LHFPL3: variants seen among roughly 807,000 people sequenced by gnomAD.
The protein encoded by LHFPL3 is LHFPL tetraspan subfamily member 3 protein.
Under a neutral mutation model 19.3 loss-of-function variants are expected in LHFPL3, and 5 were observed. The ratio of observed to expected loss-of-function variants is 0.26; its 90% confidence interval spans 0.14 to 0.54. The LOEUF is 0.54. Among genes scored for constraint, LHFPL3 ranks in the 20% least tolerant of loss-of-function variants. The pLI is 0.94. For missense variants in LHFPL3, 249 were observed against 307.4 expected (o/e 0.81, Z 1.42); for synonymous variants, 133 against 126.2 (o/e 1.05, Z -0.36).
intron 2 of LHFPL3, among the ~76,000 whole-genome samples, chr7:104,834,782 C>T (rs955217981): frequency 5.3e-5 from 8 of 151,916 alleles, no homozygotes; most frequent in African/African-American, 1.5e-4. Flanking sequence ...ATGATGGTTT[C>T]GGTGGAACAT....
chr7:104,885,429 CAA>C (rs1314411079), intron 2 of LHFPL3, among the ~76,000 whole-genome samples: 5 of 152,056 alleles, frequency 3.3e-5, no homozygotes, highest in African/African-American at 9.7e-5. Flanking sequence ...GATTTTCTCC[CAA>C]AAAAAGTTTC....
intron 2 of LHFPL3, among the ~76,000 whole-genome samples, chr7:104,748,913 G>T (rs553912941): frequency 6.6e-6 from 1 of 152,146 alleles, no homozygotes; most frequent in Admixed American, 6.5e-5. Context: ...TGGGGCTAAG[G>T]GATCTATTCT....
Position 104,829,354 on chromosome 7 carries a change from A to C in LHFPL3, c.683-76833A>C, listed in dbSNP as rs1477069119. 4.6e-5 allele frequency among the ~76,000 whole-genome samples: 7 copies of C among 151,732 alleles called. 1 individual carries two copies. Among genetic ancestry groups the C allele is most frequent in the African/African-American group, 1.7e-4 (7 of 41,100 alleles). On this transcript the variant is annotated intron_variant, in intron 2 of 2. Coordinates refer to ENST00000424859, the MANE Select transcript of LHFPL3 (RefSeq NM_199000.3). ...TTTTTTTAATTATTATTATACTTTA[A>C]GTTTTAGGGTACATGTGCACAATGT...
At chr7:104,766,659 T>C (rs759361118) in intron 2 of LHFPL3, among the ~76,000 whole-genome samples, 1 of 152,170 alleles carries the variant, frequency 6.6e-6, no homozygotes, top group Non-Finnish European at 1.5e-5. Flanking sequence ...TTGAAAACCA[T>C]ACTTCTAATC....
At chr7:104,680,786 G>A (rs1426336319) in intron 1 of LHFPL3, among the ~76,000 whole-genome samples, 3 of 152,140 alleles carry the variant, frequency 2.0e-5, no homozygotes, top group African/African-American at 7.2e-5. Flanking sequence ...AAACAAACAT[G>A]ATGGGGGTAA....
intron 2 of LHFPL3, among the ~76,000 whole-genome samples, chr7:104,852,772 A>G (rs558060161): frequency 6.6e-6 from 1 of 152,324 alleles, no homozygotes; most frequent in East Asian, 1.9e-4. Context: ...CTCTGATGGG[A>G]CAGTGAGCTA....
intron 1 of LHFPL3, among the ~76,000 whole-genome samples, chr7:104,544,918 A>C (rs538732798): frequency 6.6e-6 from 1 of 152,312 alleles, no homozygotes; most frequent in African/African-American, 2.4e-5. Context: ...AATTAAGAAC[A>C]ATGTCATTTG....
At chr7:104,684,219 T>C (rs1187554189) in intron 1 of LHFPL3, among the ~76,000 whole-genome samples, 2 of 152,202 alleles carry the variant, frequency 1.3e-5, no homozygotes, top group Non-Finnish European at 2.9e-5. Flanking sequence ...GGAGGGAGGA[T>C]TATGGGTGCC....
At position 104,461,195 on chromosome 7, in the gene LHFPL3, C is replaced by T. The variant is rs568237330; in HGVS notation, c.445+131971C>T. Among the ~76,000 whole-genome samples the T allele has an allele frequency of 2.6e-5, 4 of 152,236 alleles. No homozygotes were observed. The East Asian group carries it at 7.7e-4, about 29-fold the overall frequency. On this transcript the variant is annotated intron_variant, in intron 1 of 2. Transcript: ENST00000424859. ...TGAGAGTGGAGTCAAGGGGAAGCCCCGTATAAAACCATCAGATCTCCTGAG... is the reference window on the plus strand; with the variant it reads ...TGAGAGTGGAGTCAAGGGGAAGCCCTGTATAAAACCATCAGATCTCCTGAG...
chr7:104,748,354 G>A (rs13311243), intron 2 of LHFPL3, among the ~76,000 whole-genome samples: 1 of 144,326 alleles, frequency 6.9e-6, no homozygotes, highest in Non-Finnish European at 1.5e-5. Flanking sequence ...GGTCTGTGCT[G>A]AGGAGGATTA....
intron 1 of LHFPL3, among the ~76,000 whole-genome samples, chr7:104,452,217 A>T (rs987724012): frequency 2.0e-5 from 3 of 152,170 alleles, no homozygotes; most frequent in African/African-American, 7.2e-5. Context: ...GAATGGGATC[A>T]GCTTATTTAC....
intron 2 of LHFPL3, among the ~76,000 whole-genome samples, chr7:104,797,969 C>T (rs1033317005): frequency 4.0e-5 from 6 of 151,834 alleles, no homozygotes; most frequent in African/African-American, 7.3e-5. Flanking sequence ...CTATCAATAA[C>T]GTCACGGCAG....
intron 2 of LHFPL3, among the ~76,000 whole-genome samples, chr7:104,878,408 T>C (rs192073977): frequency 2.7e-3 from 415 of 152,306 alleles, no homozygotes; most frequent in Non-Finnish European, 3.0e-3. Flanking sequence ...ATTTTCATTA[T>C]TGTTATATCT....
intron 2 of LHFPL3, among the ~76,000 whole-genome samples, chr7:104,886,508 G>T (rs897493539): frequency 2.0e-5 from 3 of 152,130 alleles, no homozygotes; most frequent in African/African-American, 7.2e-5. Flanking sequence ...GGGATTACAG[G>T]CGCCCACCAC....
intron 2 of LHFPL3, among the ~76,000 whole-genome samples, chr7:104,853,201 G>T (rs934704062): frequency 6.6e-6 from 1 of 152,196 alleles, no homozygotes; most frequent in Non-Finnish European, 1.5e-5. Context: ...TACCCTTGGG[G>T]TCATTTGTCT....
intron 2 of LHFPL3, among the ~76,000 whole-genome samples, chr7:104,882,165 T>C (rs1292227233): frequency 3.3e-5 from 5 of 152,182 alleles, no homozygotes; most frequent in Non-Finnish European, 5.9e-5. Flanking sequence ...TGACACATGC[T>C]ACCATATGGA....
intron 1 of LHFPL3, among the ~76,000 whole-genome samples, chr7:104,696,753 C>T (rs1263344801): frequency 2.6e-5 from 4 of 152,114 alleles, no homozygotes; most frequent in South Asian, 2.1e-4. Context: ...AAAGGGGTGT[C>T]TTCTGCAGAG....
chr7:104,680,736 C>CT (rs1365088116), intron 1 of LHFPL3, among the ~76,000 whole-genome samples: 2 of 152,088 alleles, frequency 1.3e-5, no homozygotes, highest in African/African-American at 2.4e-5. Flanking sequence ...GCTGCCATCT[C>CT]TAAGAGATCA....
intron 1 of LHFPL3, among the ~76,000 whole-genome samples, chr7:104,696,676 T>C (rs1436034829): frequency 6.6e-6 from 1 of 152,084 alleles, no homozygotes; most frequent in African/African-American, 2.4e-5. Flanking sequence ...ATAATAAAAA[T>C]TGTAGAAGGT....
Sources: gnomAD v4.1 joint callset for allele counts (sites outside exome capture counted in the v4.1 genomes callset) on GRCh38, gnomAD v4.1.1 for gene constraint, MANE v1.5 for transcripts, NCBI Gene and HGNC (gene_info 2026-07-23, HGNC 2026-07-21) for gene names.